MAPK10: variants seen among roughly 807,000 people sequenced by gnomAD.
The protein encoded by MAPK10 is JNK3 alpha protein kinase.
MAPK10 carries 25 observed loss-of-function variants against 59.3 expected under a neutral mutation model. That is an observed-to-expected ratio of 0.42 (90% CI 0.31 to 0.59). MAPK10 has a LOEUF of 0.59. Ranked by LOEUF, MAPK10 falls within the 20% of genes least tolerant of loss-of-function variation. The probability of loss-of-function intolerance (pLI) is 0.15; values close to 1 mark genes in which losing one functional copy is unlikely to be tolerated. For missense variants in MAPK10, 351 were observed against 568.9 expected (o/e 0.62, Z 3.90); for synonymous variants, 190 against 200.5 (o/e 0.95, Z 0.44).
chr4:86,410,608 C>T (rs547506928), intron 1 of MAPK10, among the ~76,000 whole-genome samples: 5 of 152,158 alleles, frequency 3.3e-5, no homozygotes, highest in African/African-American at 1.2e-4. Context: ...CAGAGATTCA[C>T]CTTCTTCCTG....
intron 9 of MAPK10, chr4:86,079,815 G>A (rs527752652): frequency 1.4e-5 from 2 of 144,852 alleles, no homozygotes; most frequent in South Asian, 4.4e-4. Context: ...AAGTTAAGAA[G>A]AGGCAATCAA....
chr4:86,366,013 TCCAATC>T (rs1564735870), intron 1 of MAPK10, among the ~76,000 whole-genome samples: 2 of 152,218 alleles, frequency 1.3e-5, no homozygotes, highest in African/African-American at 2.4e-5. Context: ...TCTCTTGCTC[TCCAATC>T]AAGGAGATCT....
At chr4:86,058,059 C>T (rs2044977785) in intron 11 of MAPK10, among the ~76,000 whole-genome samples, 1 of 149,910 alleles carries the variant, frequency 6.7e-6, no homozygotes, top group Non-Finnish European at 1.5e-5. Flanking sequence ...ATGAGAAATA[C>T]GCTTCTGCCA....
intron 2 of MAPK10, chr4:86,340,346 C>G (rs1427958049): frequency 6.5e-6 from 1 of 153,354 alleles, no homozygotes. Flanking sequence ...CACAGTTCAT[C>G]AGGCTGCACA....
At chr4:86,169,157 C>T (rs1445143992) in intron 3 of MAPK10, among the ~76,000 whole-genome samples, 1 of 152,226 alleles carries the variant, frequency 6.6e-6, no homozygotes, top group Non-Finnish European at 1.5e-5. Context: ...AGCAGAGCGA[C>T]TCTCCTCCTC....
At chr4:86,059,321 C>A (rs1222031870) in intron 11 of MAPK10, among the ~76,000 whole-genome samples, 1 of 152,154 alleles carries the variant, frequency 6.6e-6, no homozygotes, top group Non-Finnish European at 1.5e-5. Flanking sequence ...TCTATAAATT[C>A]TTTCACCGTA....
chr4:86,018,311 T>C (rs1744401721), intron 13 of MAPK10, among the ~76,000 whole-genome samples: 1 of 145,580 alleles, frequency 6.9e-6, no homozygotes, highest in Admixed American at 6.9e-5. Context: ...AAAATGCATA[T>C]AGAAAAGCCA....
intron 2 of MAPK10, among the ~76,000 whole-genome samples, chr4:86,252,309 T>G (rs890345939): frequency 2.5e-5 from 3 of 122,020 alleles, no homozygotes; most frequent in African/African-American, 1.4e-4. Flanking sequence ...GTTTTAGGTC[T>G]AACGTTTAAA....
chr4:86,325,897 C>T (rs1313086914), intron 2 of MAPK10: 1 of 152,182 alleles, frequency 6.6e-6, no homozygotes, highest in Non-Finnish European at 1.5e-5. Context: ...ATACTGAGCA[C>T]TTACTGTGTT....
chr4:86,070,348 CT>C lies in MAPK10; in HGVS notation c.803-2394del, dbSNP rs894340170. On this transcript the variant is annotated intron_variant, in intron 9 of 13. Coordinates refer to ENST00000641462, the MANE Select transcript of MAPK10 (RefSeq NM_138982.4). ...TTAGTTGAGCACATGATTTTTCTTT[CT>C]TTTTTTTTTTGTAGCACTTGAAGGG... Among the ~76,000 whole-genome samples the C allele has an allele frequency of 5.6e-3, 762 of 136,288 alleles. 6 individuals carry two copies. Among genetic ancestry groups the C allele is most frequent in the African/African-American group, 0.017 (610 of 35,994 alleles). 89.4% of individuals were successfully genotyped at this position (136,288 alleles called of 152,430 possible).
At chr4:86,120,436 A>C (rs2059048356) in intron 4 of MAPK10, 1 of 152,398 alleles carries the variant, frequency 6.6e-6, no homozygotes, top group Non-Finnish European at 1.5e-5. Flanking sequence ...TATTCACCTT[A>C]ATCAAAAACA....
chr4:86,221,118 G>C (rs2869421), intron 2 of MAPK10, among the ~76,000 whole-genome samples: 49,942 of 152,064 alleles, frequency 0.33, 11,150 homozygotes, highest in African/African-American at 0.64. Flanking sequence ...CAGACAGACA[G>C]CCAAGGAGAG....
chr4:86,137,174 A>T (rs1234857946), intron 4 of MAPK10, among the ~76,000 whole-genome samples: 1 of 151,788 alleles, frequency 6.6e-6, no homozygotes, highest in Non-Finnish European at 1.5e-5. Context: ...TCAGCTCTGC[A>T]CCAAGCGGAC....
intron 2 of MAPK10, among the ~76,000 whole-genome samples, chr4:86,345,914 G>C (rs906647692): frequency 9.2e-5 from 14 of 152,298 alleles, no homozygotes; most frequent in Admixed American, 6.5e-4. Flanking sequence ...AGTTTATCAG[G>C]TTAGCAAGCC....
intron 13 of MAPK10, chr4:86,026,329 A>T (rs977667864): frequency 2.6e-5 from 4 of 152,234 alleles, no homozygotes; most frequent in Non-Finnish European, 5.9e-5. Context: ...ATTTCAATTC[A>T]TGGACTGCTA....
chr4:86,537,420 C>A (rs558638706), intron 1 of MAPK10, among the ~76,000 whole-genome samples: 3 of 152,210 alleles, frequency 2.0e-5, no homozygotes, highest in South Asian at 2.1e-4. Flanking sequence ...ACGGTGATAT[C>A]CCAATAGTAA....
chr4:86,387,421 G>A (rs1253335807), intron 1 of MAPK10, among the ~76,000 whole-genome samples: 1 of 152,108 alleles, frequency 6.6e-6, no homozygotes, highest in Non-Finnish European at 1.5e-5. Context: ...GGAAATTAGA[G>A]CTTCCTTTTA....
At chr4:86,348,648 A>G (rs559336802) in intron 2 of MAPK10, among the ~76,000 whole-genome samples, 16 of 152,214 alleles carry the variant, frequency 1.1e-4, no homozygotes, top group African/African-American at 3.9e-4. Context: ...TTCAAAAAGC[A>G]CAGGCTCAAA....
chr4:86,257,515 C>T (rs1424027796), intron 2 of MAPK10, among the ~76,000 whole-genome samples: 1 of 152,146 alleles, frequency 6.6e-6, no homozygotes, highest in African/African-American at 2.4e-5. Flanking sequence ...TTATCTTCCA[C>T]TGATTCAACA....
Sources: gnomAD v4.1 joint callset for allele counts (sites outside exome capture counted in the v4.1 genomes callset) on GRCh38, gnomAD v4.1.1 for gene constraint, MANE v1.5 for transcripts, NCBI Gene and HGNC (gene_info 2026-07-23, HGNC 2026-07-21) for gene names.